The following IL33 variants were observed in gnomAD, a reference collection of about 807,000 sequenced individuals.
IL33 encodes interleukin 33.
Under a neutral mutation model 27.3 loss-of-function variants are expected in IL33, and 37 were observed. The observed-to-expected ratio is 1.36, with a 90% confidence interval of 1.04 to 1.78. The LOEUF (loss-of-function observed/expected upper bound fraction) is 1.78, where lower values mean the gene tolerates loss of function less well. Ranked by LOEUF, IL33 falls within the 40% of genes most tolerant of loss-of-function variation. IL33 has a pLI of 0.00. For missense variants in IL33, 406 were observed against 311.4 expected, an observed-to-expected ratio of 1.30 and a Z score of -2.29; for synonymous variants, 132 against 102.9, an observed-to-expected ratio of 1.28 and a Z score of -1.71.
intron 1 of IL33, among the ~76,000 whole-genome samples, chr9:6,239,263 A>C (rs1182133948): frequency 2.6e-5 from 4 of 152,130 alleles, no homozygotes; most frequent in African/African-American, 7.2e-5. Context: ...GGTTATATTC[A>C]AATAAGGAAG....
In IL33 at chr9:6,251,125, C is replaced by A; in HGVS notation, c.218-15C>A. 2 of 1,612,632 alleles carry A rather than the reference C, an allele frequency of 1.2e-6. No individual in the cohort carries two copies. Among genetic ancestry groups the A allele is most frequent in the Non-Finnish European group, 1.7e-6 (2 of 1,179,194 alleles). ...GGGGATTGATGGTCTATCCCTAATC[C>A]CATCCGGTCTGCAGGTAGAAAGCAC... On this transcript the variant is annotated splice_polypyrimidine_tract_variant and intron_variant, in intron 3 of 7. Transcript: ENST00000682010.
chr9:6,231,703 T>A (rs1818934661), intron 1 of IL33, among the ~76,000 whole-genome samples: 1 of 152,162 alleles, frequency 6.6e-6, no homozygotes, highest in South Asian at 2.1e-4. Flanking sequence ...GTACTAGAAG[T>A]AGTATTTTAT....
At chr9:6,232,394 T>A (rs555639806) in intron 1 of IL33, among the ~76,000 whole-genome samples, 1 of 152,294 alleles carries the variant, frequency 6.6e-6, no homozygotes, top group African/African-American at 2.4e-5. Flanking sequence ...ACTAATAAAT[T>A]TCTATTTAAA....
At chr9:6,226,155 G>A (rs2130135318) in intron 1 of IL33, among the ~76,000 whole-genome samples, 1 of 151,886 alleles carries the variant, frequency 6.6e-6, no homozygotes, top group African/African-American at 2.4e-5. Flanking sequence ...CTACAGGTGT[G>A]TGCCACCACA....
intron 2 of IL33, among the ~76,000 whole-genome samples, chr9:6,248,668 AG>A (rs1172014710): frequency 6.6e-6 from 1 of 151,992 alleles, no homozygotes; most frequent in Non-Finnish European, 1.5e-5. Flanking sequence ...TCAAACTCCC[AG>A]GCTCAAGCAA....
chr9:6,252,023 G>A (rs1321919032), intron 4 of IL33, among the ~76,000 whole-genome samples: 1 of 140,628 alleles, frequency 7.1e-6, no homozygotes, highest in African/African-American at 2.7e-5. Context: ...GGCAACAAGA[G>A]CGGCTGTCTC....
At chr9:6,241,552 G>A (rs1014152390) in intron 1 of IL33, 132 bp from the exon 2 acceptor site, 13 of 559,432 alleles carry the variant, frequency 2.3e-5, no homozygotes, top group Middle Eastern at 5.0e-4. Flanking sequence ...AGAATACTAC[G>A]TTCAAACTTT....
intron 1 of IL33, among the ~76,000 whole-genome samples, chr9:6,219,313 G>A (rs889457433): frequency 1.3e-5 from 2 of 151,716 alleles, no homozygotes; most frequent in Admixed American, 1.3e-4. Flanking sequence ...AACTTTTAAG[G>A]GGACACAACC....
chr9:6,223,698 C>T (rs1029109233), intron 1 of IL33, among the ~76,000 whole-genome samples: 2 of 152,134 alleles, frequency 1.3e-5, no homozygotes, highest in African/African-American at 4.8e-5. Flanking sequence ...ATTATACTTA[C>T]ATGAAAAATA....
chr9:6,233,194 G>T (rs1819009627), intron 1 of IL33, among the ~76,000 whole-genome samples: 1 of 152,000 alleles, frequency 6.6e-6, no homozygotes, highest in Non-Finnish European at 1.5e-5. Context: ...ATTCTCTAAG[G>T]ATCTGTTTCA....
Position 6,254,449 on chromosome 9 carries a change from T to C in IL33, c.521-13T>C. On this transcript the variant is annotated splice_polypyrimidine_tract_variant and intron_variant, in intron 6 of 7. Transcript: ENST00000682010. ...GTTCTTAACTTTATCATTTATACTT[T>C]CTTAATTGTAAGGTGACGGTGTTGA... The C allele has an allele frequency of 6.6e-7, 1 of 1,525,230 alleles. No individual in the cohort carries two copies. Among genetic ancestry groups the C allele is most frequent in the Non-Finnish European group, 8.9e-7 (1 of 1,121,280 alleles). The allele number at this position is 1,525,230 out of a possible 1,614,324, so 94.5% of individuals were successfully genotyped here. A position where few individuals can be genotyped will look rare whatever the true frequency, so the allele number is the denominator to read the frequency against.
chr9:6,253,360 A>G (rs1325409885), intron 5 of IL33, among the ~76,000 whole-genome samples, 192 bp from the exon 6 acceptor site: 1 of 152,244 alleles, frequency 6.6e-6, no homozygotes, highest in Non-Finnish European at 1.5e-5. Context: ...AAATATTTTA[A>G]TAACAACTAT....
intron 2 of IL33, among the ~76,000 whole-genome samples, chr9:6,244,823 A>T (rs1013094098): frequency 6.6e-6 from 1 of 152,218 alleles, no homozygotes; most frequent in African/African-American, 2.4e-5. Context: ...AAGAAAGCAC[A>T]TTTAATTCCT....
chr9:6,255,397 G>A (rs1054473593), intron 7 of IL33, among the ~76,000 whole-genome samples: 4 of 151,792 alleles, frequency 2.6e-5, no homozygotes, highest in African/African-American at 7.3e-5. Flanking sequence ...CTCAATAATA[G>A]AGCTACTTAG....
chr9:6,250,094 A>C (rs1390485982), intron 2 of IL33, among the ~76,000 whole-genome samples: 2 of 152,110 alleles, frequency 1.3e-5, no homozygotes, highest in Non-Finnish European at 2.9e-5. Flanking sequence ...TAAAGACCTA[A>C]AGTTTTTCAG....
At chr9:6,251,976 G>A (rs935774109) in intron 4 of IL33, among the ~76,000 whole-genome samples, 2 of 150,888 alleles carry the variant, frequency 1.3e-5, no homozygotes, top group Non-Finnish European at 2.9e-5. Flanking sequence ...GACAGAGGTT[G>A]CAGTGAGCCG....
intron 1 of IL33, among the ~76,000 whole-genome samples, chr9:6,236,042 C>T (rs1026487446): frequency 4.0e-5 from 6 of 151,628 alleles, no homozygotes; most frequent in African/African-American, 9.7e-5. Context: ...CACACACACA[C>T]ACACACACAC....
At chr9:6,224,918 G>C (rs1319542415) in intron 1 of IL33, among the ~76,000 whole-genome samples, 1 of 151,718 alleles carries the variant, frequency 6.6e-6, no homozygotes, top group South Asian at 2.1e-4. Flanking sequence ...GAATTTATTT[G>C]ATCTACTGAC....
intron 1 of IL33, among the ~76,000 whole-genome samples, chr9:6,232,791 G>A (rs148856902): frequency 8.1e-4 from 124 of 152,182 alleles, no homozygotes; most frequent in South Asian, 1.9e-3. Flanking sequence ...TTTCATTGCT[G>A]TTGTCACCCT....
Sources: gnomAD v4.1 joint callset for allele counts (sites outside exome capture counted in the v4.1 genomes callset) on GRCh38, gnomAD v4.1.1 for gene constraint, MANE v1.5 for transcripts, NCBI Gene and HGNC (gene_info 2026-07-23, HGNC 2026-07-21) for gene names.